SOX6: variants seen among roughly 807,000 people sequenced by gnomAD.
The protein encoded by SOX6 is transcription factor SOX-6.
SOX6 carries 11 observed loss-of-function variants against 97.8 expected under a neutral mutation model. The ratio of observed to expected loss-of-function variants is 0.11; its 90% confidence interval spans 0.07 to 0.19. The LOEUF (loss-of-function observed/expected upper bound fraction) is 0.19. Among genes scored for constraint, SOX6 ranks in the 10% least tolerant of loss-of-function variants. The probability of loss-of-function intolerance (pLI) is 1.00; values close to 1 mark genes in which losing one functional copy is unlikely to be tolerated. For missense variants in SOX6, 810 were observed against 1,039.5 expected, an observed-to-expected ratio of 0.78 and a Z score of 3.04; for synonymous variants, 360 against 371.4, an observed-to-expected ratio of 0.97 and a Z score of 0.35.
At chr11:16,695,791 C>A in intron 3 of SOX6, among the ~76,000 whole-genome samples, 1 of 151,860 alleles carries the variant, frequency 6.6e-6, no homozygotes, top group East Asian at 1.9e-4. Context: ...AATTTGAGAC[C>A]AGCCTGGCCA....
At chr11:16,204,117 TAAA>T (rs201249305) in intron 4 of SOX6, among the ~76,000 whole-genome samples, 2 of 148,856 alleles carry the variant, frequency 1.3e-5, no homozygotes, top group East Asian at 3.9e-4. Context: ...TATTGTCAAT[TAAA>T]AAAAAAACAC....
intron 1 of SOX6, among the ~76,000 whole-genome samples, chr11:16,442,067 C>A (rs966648607): frequency 6.6e-6 from 1 of 152,142 alleles, no homozygotes; most frequent in Non-Finnish European, 1.5e-5. Flanking sequence ...GAGAAAAGTT[C>A]ATAATTGAAA....
At chr11:16,674,600 G>T (rs1417985173) in intron 3 of SOX6, among the ~76,000 whole-genome samples, 1 of 152,216 alleles carries the variant, frequency 6.6e-6, no homozygotes, top group Non-Finnish European at 1.5e-5. Flanking sequence ...GGGCATGGTA[G>T]CTCACACATG....
chr11:16,132,421 G>A lies in SOX6; in HGVS notation c.778-20498C>T, dbSNP rs1350623425. Among the ~76,000 whole-genome samples the A allele has an allele frequency of 2.2e-4, 21 of 95,620 alleles. 3 individuals are homozygous for A. Among genetic ancestry groups the A allele is most frequent in the Middle Eastern group, 4.8e-3 (1 of 210 alleles). The allele number at this position is 95,620 out of a possible 152,430, so 62.7% of individuals were successfully genotyped here. On this transcript the variant is annotated intron_variant, in intron 6 of 15. Transcript: ENST00000683767. Reference sequence around the variant, plus strand: ...AAGAAAAAAGAAAGAAAGAAAGAAAGAAAGAAAGAAAGAAAGAAAGAAAAA... The same window carrying A: ...AAGAAAAAAGAAAGAAAGAAAGAAAAAAAGAAAGAAAGAAAGAAAGAAAAA...
intron 3 of SOX6, among the ~76,000 whole-genome samples, chr11:16,306,478 T>C: frequency 6.6e-6 from 1 of 152,050 alleles, no homozygotes; most frequent in South Asian, 2.1e-4. Flanking sequence ...ACGGAGAGAA[T>C]ACAAAGTTAT....
At chr11:16,405,809 GCAC>G (rs1590190953) in intron 1 of SOX6, among the ~76,000 whole-genome samples, 2 of 152,096 alleles carry the variant, frequency 1.3e-5, no homozygotes, top group East Asian at 3.9e-4. Context: ...TTTGTTCATA[GCAC>G]TGATTTTTAC....
chr11:16,558,275 A>G lies in SOX6; in HGVS notation n.609+53806T>C, dbSNP rs554624854. 1.5e-4 allele frequency among the ~76,000 whole-genome samples: 23 copies of G among 152,040 alleles called. No individual in the cohort carries two copies. In the South Asian group the frequency reaches 3.9e-3, roughly 26 times the overall value. Reference sequence around the variant, plus strand: ...TCCAACTCCCTGCCTTCATAAACCAACTGTCCTGGGATTTACCTGGAAAAC... The same window carrying G: ...TCCAACTCCCTGCCTTCATAAACCAGCTGTCCTGGGATTTACCTGGAAAAC... On this transcript the variant is annotated intron_variant and non_coding_transcript_variant, in intron 4 of 5. Coordinates refer to the SOX6 transcript ENST00000524520.
At chr11:16,164,877 G>T (rs1850846524) in intron 6 of SOX6, among the ~76,000 whole-genome samples, 2 of 151,626 alleles carry the variant, frequency 1.3e-5, no homozygotes, top group African/African-American at 4.8e-5. Context: ...AGAGACAACA[G>T]TATGTCTCAT....
At chr11:16,536,266 T>A (rs1861305993) in intron 4 of SOX6, among the ~76,000 whole-genome samples, 1 of 152,248 alleles carries the variant, frequency 6.6e-6, no homozygotes, top group African/African-American at 2.4e-5. Context: ...CAAAATCTGC[T>A]GCTGGCAATA....
At chr11:16,103,462 A>G (rs1378731948) in intron 7 of SOX6, among the ~76,000 whole-genome samples, 2 of 151,988 alleles carry the variant, frequency 1.3e-5, no homozygotes, top group Non-Finnish European at 1.5e-5. Flanking sequence ...GAGTATGAAG[A>G]GTCCTTAAAG....
At chr11:16,458,941 A>G (rs530895604) in intron 1 of SOX6, among the ~76,000 whole-genome samples, 1 of 152,176 alleles carries the variant, frequency 6.6e-6, no homozygotes, top group East Asian at 1.9e-4. Context: ...AGGTATCTAC[A>G]GTTTGTAGAG....
At chr11:16,640,046 T>G (rs979350197) in intron 3 of SOX6, among the ~76,000 whole-genome samples, 1 of 152,304 alleles carries the variant, frequency 6.6e-6, no homozygotes, top group Admixed American at 6.5e-5. Context: ...GGCTGTGGGT[T>G]TGTCATAAAT....
intron 6 of SOX6, among the ~76,000 whole-genome samples, chr11:16,142,360 A>G (rs888188995): frequency 8.5e-5 from 13 of 152,218 alleles, no homozygotes; most frequent in Non-Finnish European, 1.5e-4. Context: ...GTACCTCACC[A>G]TCATCAAAGA....
intron 3 of SOX6, among the ~76,000 whole-genome samples, chr11:16,262,824 T>A (rs531598588): frequency 1.2e-4 from 18 of 152,140 alleles, no homozygotes; most frequent in African/African-American, 4.1e-4. Flanking sequence ...AATTCTTAGG[T>A]CTTTCCTGAG....
intron 2 of SOX6, among the ~76,000 whole-genome samples, chr11:16,718,867 C>T (rs372065273): frequency 7.3e-5 from 11 of 151,426 alleles, no homozygotes; most frequent in Admixed American, 4.6e-4. Context: ...TGTGGTGGCT[C>T]ATGCCTGTAA....
intron 3 of SOX6, among the ~76,000 whole-genome samples, chr11:16,657,424 A>G (rs962759654): frequency 6.6e-6 from 1 of 152,220 alleles, no homozygotes; most frequent in African/African-American, 2.4e-5. Context: ...ATGTGTTTAT[A>G]TGAACATAAA....
At chr11:16,449,784 G>T (rs1011577475) in intron 1 of SOX6, among the ~76,000 whole-genome samples, 1 of 152,052 alleles carries the variant, frequency 6.6e-6, no homozygotes, top group Non-Finnish European at 1.5e-5. Flanking sequence ...CATCTCAATA[G>T]GTTTTTTGAT....
upstream of SOX6, among the ~76,000 whole-genome samples, chr11:16,361,536 A>G (rs1857211205): frequency 1.3e-5 from 2 of 152,146 alleles, no homozygotes; most frequent in Admixed American, 6.5e-5. Context: ...TTTTTGCATA[A>G]TTTTCTGTGA....
chr11:16,612,414 TA>T (rs1848408821), intron 3 of SOX6, among the ~76,000 whole-genome samples: 2 of 152,182 alleles, frequency 1.3e-5, no homozygotes, highest in African/African-American at 4.8e-5. Flanking sequence ...ACCATAGAAT[TA>T]AAATAAGGCC....
Sources: allele counts gnomAD v4.1 joint callset (sites outside exome capture counted in the v4.1 genomes callset), GRCh38; gene constraint gnomAD v4.1.1; transcripts MANE v1.5; gene names NCBI Gene and HGNC (gene_info 2026-07-23, HGNC 2026-07-21).